The following NPHP3 variants were observed in gnomAD, a reference collection of about 807,000 sequenced individuals.
NPHP3 encodes nephrocystin-3.
A neutral mutation model predicts 171.9 loss-of-function variants in NPHP3; 123 were observed. The ratio of observed to expected loss-of-function variants is 0.72; its 90% CI spans 0.62 to 0.83. The LOEUF (loss-of-function observed/expected upper bound fraction) is 0.83, where lower values mean the gene tolerates loss of function less well. Ranked by LOEUF, NPHP3 falls within the 40% of genes least tolerant of loss-of-function variation. The pLI, the probability that NPHP3 is intolerant of heterozygous loss-of-function variation, is 0.00. For missense variants in NPHP3, 1,506 were observed against 1,591.9 expected, an observed-to-expected ratio of 0.95 and a Z score of 0.92; for synonymous variants, 558 against 579.2, an observed-to-expected ratio of 0.96 and a Z score of 0.52.
At chr3:132,701,823 A>C (rs1939615453) in intron 9 of NPHP3, among the ~76,000 whole-genome samples, 2 of 152,084 alleles carry the variant, frequency 1.3e-5, no homozygotes, top group African/African-American at 2.4e-5. Flanking sequence ...GAGATCGAGA[A>C]CATCCTGGCT....
At chr3:132,692,239 G>A (rs1349557401) in intron 17 of NPHP3, among the ~76,000 whole-genome samples, 4 of 152,120 alleles carry the variant, frequency 2.6e-5, no homozygotes, top group Non-Finnish European at 5.9e-5. Context: ...GCTCTACAAT[G>A]CTCACACAAT....
intron 11 of NPHP3, 96 bp from the exon 12 acceptor site, chr3:132,700,157 T>G (rs1359095005): frequency 6.0e-6 from 9 of 1,490,208 alleles, no homozygotes; most frequent in Non-Finnish European, 8.4e-6. Flanking sequence ...TACTTTTTTA[T>G]AAACCAAAAT....
chr3:132,686,170 T>C (rs1244034064), intron 23 of NPHP3, 90 bp downstream of exon 23: 1 of 1,413,474 alleles, frequency 7.1e-7, no homozygotes, highest in Non-Finnish European at 1.0e-6. Flanking sequence ...TCATTTTTTT[T>C]CTAGCTTTAG....
intron 18 of NPHP3, 28 bp downstream of exon 18, chr3:132,691,164 A>G (rs1939289130): frequency 2.0e-6 from 3 of 1,518,802 alleles, no homozygotes; most frequent in Non-Finnish European, 2.7e-6. Flanking sequence ...CAGAAGTTAC[A>G]GAAGAACAAC....
In NPHP3 at chr3:132,681,748, A is replaced by G. The variant is rs1191280640; in HGVS notation, c.*162T>C. 2 of 682,166 alleles carry G rather than the reference A, an allele frequency of 2.9e-6. No individual in the cohort carries two copies. The highest frequency in any genetic ancestry group is 5.2e-6 in the Non-Finnish European group (2 of 387,770). The allele number at this position is 682,166 out of a possible 1,614,324, so 42.3% of individuals were successfully genotyped here. A position where few individuals can be genotyped will look rare whatever the true frequency, so the allele number is the denominator to read the frequency against. ...AACAACTAAAACAGACATAATCACA[A>G]TTCCAACTTAATGTAATCCAATACA... On this transcript the variant is annotated 3_prime_UTR_variant, in exon 27 of 27. Transcript: ENST00000337331.
chr3:132,721,891 T>C, intron 1 of NPHP3, 72 bp downstream of exon 1: 1 of 1,566,474 alleles, frequency 6.4e-7, no homozygotes, highest in African/African-American at 1.3e-5. Context: ...CAAAGCCGCT[T>C]GGTTTGGAGA....
Position 132,688,876 on chromosome 3 carries a change from G to A in NPHP3, c.2899C>T (p.Gln967Ter). 6.2e-7 allele frequency: 1 copy of A among 1,614,102 alleles called. No individual in the cohort carries two copies. The highest frequency in any genetic ancestry group is 8.5e-7 in the Non-Finnish European group (1 of 1,180,004). The change falls in exon 21 of 27, where the codon CAG becomes TAG. Residue 967 changes from glutamine to a stop codon, truncating the protein, a stop_gained. Coordinates refer to ENST00000337331, the MANE Select transcript of NPHP3 (RefSeq NM_153240.5). LOFTEE classifies it high-confidence loss of function. ...GTTTCTCGAATCTCTAAAGACCTCT[G>A]CAAAGGTACTATGGCCTGGGGGGAA... ...GLLSQAIVPLQRSLEIRETAL... is the reference protein window; with the variant it reads ...GLLSQAIVPL
At position 132,680,851 on chromosome 3, in the gene NPHP3, T is replaced by C. The variant is rs1219762662; in HGVS notation, c.*1059A>G. The stretch of plus-strand genomic sequence containing the variant: ...AGTTTGAGGTAAATGAAGAGACAGA[T>C]TTAGGCCATCTAAGAAGGAAGATAA... On this transcript the variant is annotated 3_prime_UTR_variant, in exon 27 of 27. Coordinates refer to ENST00000337331, the MANE Select transcript of NPHP3 (RefSeq NM_153240.5). 1.3e-5 allele frequency: 2 copies of C among 152,158 alleles called. No individual in the cohort carries two copies. Among genetic ancestry groups the C allele is most frequent in the African/African-American group, 2.4e-5 (1 of 41,436 alleles). The allele number at this position is 152,158 out of a possible 1,614,324, so 9.4% of individuals were successfully genotyped here.
intron 26 of NPHP3, 172 bp from the exon 27 acceptor site, chr3:132,682,262 C>A: frequency 1.6e-6 from 1 of 635,602 alleles, no homozygotes; most frequent in Non-Finnish European, 2.8e-6. Flanking sequence ...CTTCTCCTTT[C>A]TACCAGTATC....
chr3:132,720,530 T>C (rs921143415), intron 1 of NPHP3, among the ~76,000 whole-genome samples: 1 of 152,174 alleles, frequency 6.6e-6, no homozygotes, highest in Admixed American at 6.5e-5. Context: ...CTAGTCCATT[T>C]TATACATGCA....
chr3:132,691,996 G>C (rs1939311843), intron 17 of NPHP3, among the ~76,000 whole-genome samples: 1 of 152,180 alleles, frequency 6.6e-6, no homozygotes, highest in Non-Finnish European at 1.5e-5. Context: ...CTGCATACAT[G>C]ATGATGATCC....
At chr3:132,710,236 G>A (rs753387481) in intron 6 of NPHP3, among the ~76,000 whole-genome samples, 12 of 151,984 alleles carry the variant, frequency 7.9e-5, no homozygotes, top group Non-Finnish European at 1.2e-4. Context: ...TTGTGGGGCT[G>A]GAGGAGTTAA....
At chr3:132,712,890 T>A (rs1370227503) in intron 6 of NPHP3, among the ~76,000 whole-genome samples, 1 of 152,122 alleles carries the variant, frequency 6.6e-6, no homozygotes, top group Non-Finnish European at 1.5e-5. Context: ...TTTGCCAAAC[T>A]CTGATTAAAA....
intron 23 of NPHP3, 78 bp downstream of exon 23, chr3:132,686,182 C>T: frequency 6.7e-7 from 1 of 1,500,416 alleles, no homozygotes; most frequent in Non-Finnish European, 9.3e-7. Context: ...TAGCTTTAGA[C>T]TTGACAAAAA....
chr3:132,682,393 T>C, intron 26 of NPHP3: 1 of 549,654 alleles, frequency 1.8e-6, no homozygotes, highest in Non-Finnish European at 3.2e-6. Flanking sequence ...CAAGCAAAAG[T>C]CAACATATAC....
Position 132,722,189 on chromosome 3 carries a change from C to T in NPHP3, c.167G>A (p.Gly56Glu), listed in dbSNP as rs1227724445. 6.6e-7 allele frequency: 1 copy of T among 1,514,052 alleles called. No individual in the cohort carries two copies. The highest frequency in any genetic ancestry group is 1.2e-5 in the South Asian group (1 of 80,884). The allele number at this position is 1,514,052 out of a possible 1,614,324, so 93.8% of individuals were successfully genotyped here. ...RRGAGAAAGAGPGSLPRGVGA... is the reference protein window; with the variant it reads ...RRGAGAAAGAEPGSLPRGVGA... ...CACCCCGCGGGGCAGCGACCCGGGC[C>T]CGGCCCCTGCTGCCGCCCCCGCGCC... The change falls in exon 1 of 27, where the codon GGG (glycine) becomes GAG (glutamate). Residue 56 changes from glycine (G) to glutamate (E), a missense_variant. By Grantham distance (98) the Gly-to-Glu change is moderately conservative. This residue lies in a region of NPHP3 where 930 missense variants were observed against 924.9 expected (regional missense o/e 1.01). Transcript: ENST00000337331.
intron 3 of NPHP3, among the ~76,000 whole-genome samples, chr3:132,717,792 T>C (rs1267028580): frequency 7.4e-6 from 1 of 134,968 alleles, no homozygotes; most frequent in Admixed American, 8.1e-5. Context: ...TGAGTCTGGC[T>C]CTGTTGCCAC....
At chr3:132,719,916 ATAT>A (rs1940161937) in intron 1 of NPHP3, 86 bp from the exon 2 acceptor site, 1 of 504,484 alleles carries the variant, frequency 2.0e-6, no homozygotes, top group African/African-American at 2.1e-5. Flanking sequence ...ATATATATAT[ATAT>A]GTTACGTATC....
chr3:132,697,138 T>C, intron 14 of NPHP3, 122 bp downstream of exon 14: 1 of 765,636 alleles, frequency 1.3e-6, no homozygotes, highest in Non-Finnish European at 2.3e-6. Flanking sequence ...TTTACCAAAG[T>C]AATTACTAAA....
Sources: allele counts gnomAD v4.1 joint callset (sites outside exome capture counted in the v4.1 genomes callset), GRCh38; gene constraint gnomAD v4.1.1; regional missense constraint gnomAD v4.1.1; transcripts MANE v1.5; gene names NCBI Gene and HGNC (gene_info 2026-07-23, HGNC 2026-07-21).